The following GALNT7 variants were observed in gnomAD, a reference collection of about 807,000 sequenced individuals.
GALNT7 encodes the protein polypeptide N-acetylgalactosaminyltransferase 7, also known as N-acetylgalactosaminyltransferase 7.
A neutral mutation model predicts 82.1 loss-of-function variants in GALNT7; 60 were observed. The observed-to-expected ratio is 0.73, with a 90% confidence interval of 0.59 to 0.91. The LOEUF (loss-of-function observed/expected upper bound fraction) is 0.91, where lower values mean the gene tolerates loss of function less well. Among genes scored for constraint, GALNT7 ranks in the 40% least tolerant of loss-of-function variants. GALNT7 has a pLI of 0.00. For synonymous variants in GALNT7, 243 were observed against 275.1 expected (o/e 0.88, Z 1.15); for missense variants, 660 against 804.2 (o/e 0.82, Z 2.17).
At chr4:173,303,346 A>C (rs2126850529) in intron 7 of GALNT7, among the ~76,000 whole-genome samples, 1 of 152,308 alleles carries the variant, frequency 6.6e-6, no homozygotes, top group Middle Eastern at 3.4e-3. Context: ...AAGAGAACAC[A>C]AGGAACATTC....
intron 2 of GALNT7, among the ~76,000 whole-genome samples, chr4:173,283,364 C>G (rs1478749749): frequency 6.6e-6 from 1 of 152,106 alleles, no homozygotes; most frequent in Non-Finnish European, 1.5e-5. Flanking sequence ...TAAAGCCGAT[C>G]TAGACGTGGT....
At chr4:173,312,234 T>G (rs1048243212) in intron 8 of GALNT7, among the ~76,000 whole-genome samples, 1 of 152,242 alleles carries the variant, frequency 6.6e-6, no homozygotes, top group Admixed American at 6.5e-5. Context: ...ACAGAACACC[T>G]GAGGCTGGGT....
rs564981833 is a variant in GALNT7, at chr4:173,298,436, T to G, written c.1148+139T>G. On this transcript the variant is annotated intron_variant, in intron 6 of 11. Coordinates refer to ENST00000265000, the MANE Select transcript of GALNT7 (RefSeq NM_017423.3). ...AAAGAACATCTTTCCTTACACTGTT[T>G]CAGAGCTTTCAATCTGCTCCATTTG... The G allele has an allele frequency of 2.3e-5, 14 of 611,502 alleles. No individual in the cohort carries two copies. The South Asian group carries it at 2.5e-4, about 11-fold the overall frequency. 37.9% of individuals were successfully genotyped at this position (611,502 alleles called of 1,614,324 possible).
In GALNT7 at chr4:173,303,844, A is replaced by G. The variant is rs951370048; in HGVS notation, c.1267-152A>G. ...TCTTGGTTGTTACATGAGCTTTTAA[A>G]AGCAAATTATTTTAGGATTTGTTTA... On this transcript the variant is annotated intron_variant, in intron 7 of 11. Transcript: ENST00000265000. 11 of 671,624 alleles carry G rather than the reference A, an allele frequency of 1.6e-5. No homozygotes were observed. The African/African-American group carries it at 2.0e-4, about 12-fold the overall frequency. 41.6% of individuals were successfully genotyped at this position (671,624 alleles called of 1,614,324 possible).
chr4:173,277,466 A>G (rs1026561552), intron 2 of GALNT7, among the ~76,000 whole-genome samples: 1 of 152,204 alleles, frequency 6.6e-6, no homozygotes, highest in African/African-American at 2.4e-5. Flanking sequence ...AGAGTTCCAG[A>G]AGCTCAGAGT....
chr4:173,233,963 A>G (rs907717902), intron 1 of GALNT7, among the ~76,000 whole-genome samples: 18 of 152,128 alleles, frequency 1.2e-4, no homozygotes, highest in Non-Finnish European at 7.3e-5. Context: ...TCGTTTCCAC[A>G]TCTCCCAACT....
chr4:173,308,466 G>A (rs1352132615), intron 8 of GALNT7, among the ~76,000 whole-genome samples: 1 of 152,100 alleles, frequency 6.6e-6, no homozygotes, highest in African/African-American at 2.4e-5. Context: ...CATGTTAGGA[G>A]TTTGCATAAT....
chr4:173,256,562 C>T (rs1735046300), intron 2 of GALNT7, among the ~76,000 whole-genome samples: 1 of 138,862 alleles, frequency 7.2e-6, no homozygotes, highest in Admixed American at 7.2e-5. Context: ...TCCCTCCCTT[C>T]CTTCCTTCCC....
chr4:173,245,792 C>T (rs1318942231), intron 1 of GALNT7, among the ~76,000 whole-genome samples: 1 of 152,178 alleles, frequency 6.6e-6, no homozygotes, highest in Non-Finnish European at 1.5e-5. Context: ...TACAGTCATG[C>T]GTGCCTTACA....
intron 3 of GALNT7, among the ~76,000 whole-genome samples, chr4:173,293,662 C>T (rs980100341): frequency 5.3e-5 from 8 of 152,198 alleles, no homozygotes; most frequent in Admixed American, 2.0e-4. Flanking sequence ...TCCTCACATA[C>T]GTGTGCATCA....
intron 2 of GALNT7, among the ~76,000 whole-genome samples, chr4:173,259,104 C>G (rs1735155666): frequency 6.6e-6 from 1 of 152,160 alleles, no homozygotes; most frequent in Non-Finnish European, 1.5e-5. Context: ...TTGCCACATG[C>G]CCCCTGGGGG....
chr4:173,223,825 A>G (rs568911016), intron 1 of GALNT7, among the ~76,000 whole-genome samples: 2 of 152,340 alleles, frequency 1.3e-5, no homozygotes, highest in South Asian at 2.1e-4. Flanking sequence ...GTGTATATAC[A>G]TAGACCTATC....
chr4:173,251,248 T>G (rs965122909), intron 2 of GALNT7, among the ~76,000 whole-genome samples: 3 of 152,188 alleles, frequency 2.0e-5, no homozygotes, highest in Non-Finnish European at 2.9e-5. Flanking sequence ...GACCAGTTAC[T>G]TGTCCTCTCT....
chr4:173,278,651 G>C (rs1252860396), intron 2 of GALNT7, among the ~76,000 whole-genome samples: 1 of 152,132 alleles, frequency 6.6e-6, no homozygotes, highest in East Asian at 1.9e-4. Flanking sequence ...AGTAATTTGG[G>C]GAGAAAAATT....
intron 1 of GALNT7, among the ~76,000 whole-genome samples, chr4:173,230,102 G>A (rs1162250227): frequency 2.0e-5 from 3 of 152,112 alleles, no homozygotes; most frequent in African/African-American, 7.2e-5. Context: ...AGAAGAGTAT[G>A]GCAAAATAAA....
chr4:173,252,321 C>T (rs1454989050), intron 2 of GALNT7, among the ~76,000 whole-genome samples: 3 of 152,136 alleles, frequency 2.0e-5, no homozygotes, highest in Non-Finnish European at 4.4e-5. Context: ...GAACACAGGC[C>T]CTAACAGCCT....
chr4:173,176,228 G>T (rs1237466141), intron 1 of GALNT7, among the ~76,000 whole-genome samples: 1 of 152,192 alleles, frequency 6.6e-6, no homozygotes, highest in Non-Finnish European at 1.5e-5. Context: ...AGAGGGAACA[G>T]AAGTGCAAAA....
intron 2 of GALNT7, among the ~76,000 whole-genome samples, chr4:173,262,177 G>A (rs937263117): frequency 1.3e-5 from 2 of 152,208 alleles, no homozygotes; most frequent in East Asian, 1.9e-4. Flanking sequence ...AAAGGGGGGA[G>A]CATTTTAATA....
At chr4:173,208,302 A>G (rs1012975864) in intron 1 of GALNT7, among the ~76,000 whole-genome samples, 5 of 152,196 alleles carry the variant, frequency 3.3e-5, no homozygotes, top group African/African-American at 1.2e-4. Flanking sequence ...TGTTTTAGCA[A>G]TAGAAAATTT....
Sources: gnomAD v4.1 joint callset for allele counts (sites outside exome capture counted in the v4.1 genomes callset) on GRCh38, gnomAD v4.1.1 for gene constraint, MANE v1.5 for transcripts, NCBI Gene and HGNC (gene_info 2026-07-23, HGNC 2026-07-21) for gene names.